Variants in LARS1 observed in about 807,000 individuals in gnomAD.
The protein encoded by LARS1 is leucine--tRNA ligase, cytoplasmic.
LARS1 carries 100 observed loss-of-function variants against 162.8 expected under a neutral mutation model. The observed-to-expected ratio is 0.61, with a 90% confidence interval of 0.52 to 0.73. LARS1 has a LOEUF of 0.73. Ranked by LOEUF, LARS1 falls within the 30% of genes least tolerant of loss-of-function variation. The probability of loss-of-function intolerance (pLI) is 0.00; values close to 1 mark genes in which losing one functional copy is unlikely to be tolerated. For missense variants in LARS1, 1,258 were observed against 1,408.9 expected (o/e 0.89, Z 1.71); for synonymous variants, 457 against 462.8 (o/e 0.99, Z 0.16).
rs368711303 is a variant in LARS1, at chr5:146,151,940, C to T, written c.1347G>A (p.Leu449=). ...CCCGGTCATTCTGGCTCTGAATTTTCAACTCATCACAAATGGTTACAGCAG... is the reference window on the plus strand; with the variant it reads ...CCCGGTCATTCTGGCTCTGAATTTTTAACTCATCACAAATGGTTACAGCAG... ...NLSAVTICDE[L]KIQSQNDREK... is the part of the protein sequence containing the mutation. Residue 449 remains leucine (L), a synonymous_variant, in exon 14 of 32, where the codon TTG becomes TTA. Transcript: ENST00000394434. 1.9e-6 allele frequency: 3 copies of T among 1,614,140 alleles called. No homozygotes were observed. The highest frequency in any genetic ancestry group is 1.7e-6 in the Non-Finnish European group (2 of 1,180,016).
intron 10 of LARS1, among the ~76,000 whole-genome samples, chr5:146,155,316 T>C (rs761289046): frequency 6.6e-5 from 10 of 152,158 alleles, no homozygotes; most frequent in Non-Finnish European, 1.0e-4. Flanking sequence ...CAACTAATTA[T>C]TTTTTCTTAA....
chr5:146,153,664 G>GCGTA, intron 12 of LARS1, 70 bp downstream of exon 12: 1 of 1,163,694 alleles, frequency 8.6e-7, no homozygotes, highest in Non-Finnish European at 1.3e-6. Context: ...TAGTCCCACA[G>GCGTA]CGTAGTTCAG....
At position 146,153,986 on chromosome 5, in the gene LARS1, T is replaced by C. The variant is rs773713579; in HGVS notation, c.1066-6A>G. On this transcript the variant is annotated splice_region_variant and splice_polypyrimidine_tract_variant and intron_variant, in intron 10 of 31. Transcript: ENST00000394434. ...AGTGATGCACCAAGAATTTCCTGCA[T>C]AAGAAAAAAATCAATATAAAAGGTG... 1.3e-6 allele frequency: 2 copies of C among 1,583,740 alleles called. No homozygotes were observed. The highest frequency in any genetic ancestry group is 1.7e-6 in the Non-Finnish European group (2 of 1,164,956).
At chr5:146,121,703 A>G (rs1295403166) in intron 30 of LARS1, among the ~76,000 whole-genome samples, 1 of 152,176 alleles carries the variant, frequency 6.6e-6, no homozygotes, top group Non-Finnish European at 1.5e-5. Flanking sequence ...GGAAACCATC[A>G]TTCTCCACAA....
chr5:146,151,140 T>C (rs548245686), intron 14 of LARS1, among the ~76,000 whole-genome samples: 7 of 152,280 alleles, frequency 4.6e-5, no homozygotes, highest in African/African-American at 1.7e-4. Flanking sequence ...AATGGGGTTA[T>C]TTTCAGAATT....
At chr5:146,162,635 G>T (rs1753824289) in intron 6 of LARS1, among the ~76,000 whole-genome samples, 2 of 152,300 alleles carry the variant, frequency 1.3e-5, no homozygotes, top group South Asian at 4.1e-4. Flanking sequence ...CCTCTAACAA[G>T]AATCAGCCCA....
chr5:146,171,952 A>G lies in LARS1; in HGVS notation c.252T>C (p.Cys84=), dbSNP rs1561495731. The G allele has an allele frequency of 6.2e-7, 1 of 1,614,032 alleles. No individual in the cohort carries two copies. The highest frequency in any genetic ancestry group is 1.3e-5 in the African/African-American group (1 of 75,066). ...TACAGTGCAGGCCAAAGGGAAACAG[A>G]CAACATTTTCCTTTCAATCGCTGGT... ...VGYQRLKGKC[C]LFPFGLHCTG... is the part of the protein sequence containing the mutation. The change falls in exon 4 of 32, where the codon TGT becomes TGC. Residue 84 remains cysteine (C), a synonymous_variant. Coordinates refer to ENST00000394434, the MANE Select transcript of LARS1 (RefSeq NM_020117.11).
chr5:146,168,691 C>CA (rs1476840583), intron 4 of LARS1, among the ~76,000 whole-genome samples: 2 of 151,212 alleles, frequency 1.3e-5, no homozygotes, highest in African/African-American at 4.9e-5. Context: ...TCCCATGTCT[C>CA]AAAAAAATAA....
chr5:146,144,917 A>T (rs1357066700), intron 15 of LARS1, among the ~76,000 whole-genome samples: 1 of 152,138 alleles, frequency 6.6e-6, no homozygotes, highest in Non-Finnish European at 1.5e-5. Context: ...AATCTTCATC[A>T]AGTGGATCAC....
chr5:146,135,685 T>C lies in LARS1; in HGVS notation c.2149-21A>G, dbSNP rs778307905. The C allele has an allele frequency of 7.7e-6, 12 of 1,557,238 alleles. No homozygotes were observed. In the East Asian group the frequency reaches 2.3e-4, roughly 29 times the overall value. On this transcript the variant is annotated intron_variant, in intron 21 of 31. Transcript: ENST00000394434. ...GACATCTGAAATAGAGAGTCAGTGA[T>C]CAATCATTAATAACAGTAATATAAA...
intron 15 of LARS1, among the ~76,000 whole-genome samples, chr5:146,146,684 T>C (rs1341578636): frequency 7.6e-6 from 1 of 131,594 alleles, no homozygotes; most frequent in African/African-American, 2.6e-5. Flanking sequence ...CTAGCTATCT[T>C]CTCCCATCCA....
intron 22 of LARS1, among the ~76,000 whole-genome samples, chr5:146,133,544 A>T (rs1752382645): frequency 6.6e-6 from 1 of 152,188 alleles, no homozygotes; most frequent in Non-Finnish European, 1.5e-5. Flanking sequence ...CTAGGTTCTT[A>T]CAAGTTTATC....
chr5:146,177,966 C>T lies in LARS1; in HGVS notation c.7-301G>A, dbSNP rs56013882. Among the ~76,000 whole-genome samples, 4,401 of 151,796 alleles carry T rather than the reference C, an allele frequency of 0.029. 219 individuals carry two copies. The highest frequency in any genetic ancestry group is 0.1 in the African/African-American group (4,160 of 41,364). The stretch of plus-strand genomic sequence containing the variant: ...TACAAAAATTAGCTGGGCGTGGTGG[C>T]GGGTACCTGTAATCTCAGCAACTCA... On this transcript the variant is annotated intron_variant, in intron 1 of 31. Transcript: ENST00000394434.
chr5:146,129,152 T>C (rs1752171530), intron 25 of LARS1, 34 bp from the exon 26 acceptor site: 2 of 1,534,510 alleles, frequency 1.3e-6, no homozygotes, highest in Non-Finnish European at 1.8e-6. Context: ...AAACCTTCAG[T>C]GAGATTAGAC....
chr5:146,170,892 A>T lies in LARS1; in HGVS notation c.294+1018T>A, dbSNP rs1754243282. Among the ~76,000 whole-genome samples, 3 of 151,784 alleles carry T rather than the reference A, an allele frequency of 2.0e-5. No individual in the cohort carries two copies. In the South Asian group the frequency reaches 6.2e-4, roughly 32 times the overall value. ...GAGCAAGACTCCAACTCAGAAAAAAAAAAAAGAAGAAAAAGAAAGAGAAAA... is the reference window on the plus strand; with the variant it reads ...GAGCAAGACTCCAACTCAGAAAAAATAAAAAGAAGAAAAAGAAAGAGAAAA... On this transcript the variant is annotated intron_variant, in intron 4 of 31. Coordinates refer to ENST00000394434, the MANE Select transcript of LARS1 (RefSeq NM_020117.11).
chr5:146,147,525 T>C (rs1249807565), intron 15 of LARS1, among the ~76,000 whole-genome samples: 2 of 152,174 alleles, frequency 1.3e-5, no homozygotes, highest in East Asian at 1.9e-4. Context: ...TACTTTTTTA[T>C]ACATTTGAAA....
chr5:146,133,143 C>A, intron 22 of LARS1, 62 bp from the exon 23 acceptor site: 1 of 1,446,064 alleles, frequency 6.9e-7, no homozygotes. Flanking sequence ...CAACTGTGTC[C>A]TATGTGTCCA....
intron 24 of LARS1, chr5:146,130,452 G>T: frequency 2.8e-6 from 1 of 354,262 alleles, no homozygotes; most frequent in East Asian, 7.1e-5. Context: ...ACTGCTCTTA[G>T]CAGCATATAG....
Position 146,172,697 on chromosome 5 carries a change from G to C in LARS1, c.203C>G (p.Ser68Cys). The change falls in exon 3 of 32, where the codon TCC becomes TGC. Residue 68 changes from serine to cysteine, a missense_variant. By Grantham distance (112) the Ser-to-Cys change is moderately radical (BLOSUM62 -1). Transcript: ENST00000394434. ...RLHLGHTFSL[S>C]KCEFAVGYQR... is the part of the protein sequence containing the mutation. ...ATAGGGAAACATTACCTCACATTTG[G>C]ATAAAGAAAACGTGTGTCCCAAATG... 1 of 1,566,822 alleles carries C rather than the reference G, an allele frequency of 6.4e-7. No homozygotes were observed. Among genetic ancestry groups the C allele is most frequent in the Non-Finnish European group, 8.7e-7 (1 of 1,154,096 alleles).
Sources: gnomAD v4.1 joint callset for allele counts (sites outside exome capture counted in the v4.1 genomes callset) on GRCh38, gnomAD v4.1.1 for gene constraint, MANE v1.5 for transcripts, NCBI Gene and HGNC (gene_info 2026-07-23, HGNC 2026-07-21) for gene names.